Variants in TRIM44 observed in about 807,000 individuals in gnomAD.
TRIM44 encodes the protein tripartite motif-containing protein 44.
Under a neutral mutation model 37.4 loss-of-function variants are expected in TRIM44, and 13 were observed. The ratio of observed to expected loss-of-function variants is 0.35; its 90% CI spans 0.23 to 0.55. The LOEUF (loss-of-function observed/expected upper bound fraction) is 0.55. TRIM44 is among the 20% of genes least tolerant of loss of function. The pLI is 0.89. For synonymous variants in TRIM44, 175 were observed against 157.2 expected, an observed-to-expected ratio of 1.11 and a Z score of -0.85; for missense variants, 426 against 437.2, an observed-to-expected ratio of 0.97 and a Z score of 0.23.
At chr11:35,753,261 T>C (rs531844565) in intron 4 of TRIM44, among the ~76,000 whole-genome samples, 2 of 152,328 alleles carry the variant, frequency 1.3e-5, no homozygotes, top group South Asian at 2.1e-4. Context: ...TAAGGTGTTA[T>C]AGACATGGAA....
chr11:35,786,639 C>A (rs745668657), intron 4 of TRIM44, among the ~76,000 whole-genome samples: 2 of 152,170 alleles, frequency 1.3e-5, no homozygotes, highest in Non-Finnish European at 2.9e-5. Flanking sequence ...ACCTCATTTT[C>A]CACATCTGTA....
At chr11:35,686,855 G>A (rs1851587785) in intron 2 of TRIM44, among the ~76,000 whole-genome samples, 1 of 152,160 alleles carries the variant, frequency 6.6e-6, no homozygotes, top group African/African-American at 2.4e-5. Context: ...ACCACACCTG[G>A]CCACACTTTG....
At chr11:35,784,253 C>T (rs1853100522) in intron 4 of TRIM44, among the ~76,000 whole-genome samples, 2 of 152,124 alleles carry the variant, frequency 1.3e-5, no homozygotes, top group Non-Finnish European at 2.9e-5. Flanking sequence ...AGGGGATTCT[C>T]GAAGTGATAT....
At chr11:35,755,133 T>A (rs1373803231) in intron 4 of TRIM44, among the ~76,000 whole-genome samples, 1 of 152,200 alleles carries the variant, frequency 6.6e-6, no homozygotes, top group Non-Finnish European at 1.5e-5. Context: ...AGTGTAAAAG[T>A]GTTCCTATTT....
intron 3 of TRIM44, among the ~76,000 whole-genome samples, chr11:35,729,490 A>T (rs1852226379): frequency 6.6e-6 from 1 of 152,124 alleles, no homozygotes; most frequent in South Asian, 2.1e-4. Context: ...GAGACTGTAG[A>T]TAGAGCTCTA....
chr11:35,670,381 CA>C lies in TRIM44; in HGVS notation c.669+6602del, dbSNP rs1564939283. On this transcript the variant is annotated intron_variant, in intron 1 of 4. Coordinates refer to ENST00000299413, the MANE Select transcript of TRIM44 (RefSeq NM_017583.6). ...TACCACGATTCTATCCAGGACTTCACATTACATTTCCTTGTTTTGGATGATC... is the reference window on the plus strand; with the variant it reads ...TACCACGATTCTATCCAGGACTTCACTTACATTTCCTTGTTTTGGATGATC... Among the ~76,000 whole-genome samples, 3 of 152,334 alleles carry C rather than the reference CA, an allele frequency of 2.0e-5. No homozygotes were observed. In the East Asian group the frequency reaches 5.8e-4, roughly 29 times the overall value.
At chr11:35,794,384 T>C (rs971592190) in intron 4 of TRIM44, among the ~76,000 whole-genome samples, 5 of 152,244 alleles carry the variant, frequency 3.3e-5, no homozygotes, top group African/African-American at 1.2e-4. Context: ...ACAGCTGTTT[T>C]ATAGAGAAGC....
chr11:35,756,490 C>A (rs1259168499), intron 4 of TRIM44, among the ~76,000 whole-genome samples: 1 of 152,080 alleles, frequency 6.6e-6, no homozygotes, highest in South Asian at 2.1e-4. Context: ...AATTAAATGC[C>A]CTTTATTTAC....
At chr11:35,777,586 GGT>G (rs1852989547) in intron 4 of TRIM44, among the ~76,000 whole-genome samples, 1 of 152,156 alleles carries the variant, frequency 6.6e-6, no homozygotes, top group Non-Finnish European at 1.5e-5. Context: ...TGCAGTGGCT[GGT>G]ACCATAGGTT....
At chr11:35,752,003 C>A (rs896207051) in intron 4 of TRIM44, among the ~76,000 whole-genome samples, 1 of 152,162 alleles carries the variant, frequency 6.6e-6, no homozygotes, top group African/African-American at 2.4e-5. Context: ...TGTCCTACAT[C>A]CCATGGCTTT....
intron 4 of TRIM44, among the ~76,000 whole-genome samples, chr11:35,760,503 T>C (rs1852710469): frequency 6.6e-6 from 1 of 152,180 alleles, no homozygotes; most frequent in Non-Finnish European, 1.5e-5. Flanking sequence ...CCCAGTGTCC[T>C]GCACCCACTT....
chr11:35,694,577 C>A (rs1452393150), intron 2 of TRIM44, among the ~76,000 whole-genome samples: 1 of 151,724 alleles, frequency 6.6e-6, no homozygotes, highest in South Asian at 2.1e-4. Context: ...GAAGCATAAA[C>A]AAGAAAAAAT....
intron 4 of TRIM44, among the ~76,000 whole-genome samples, chr11:35,779,718 G>C (rs1477354115): frequency 6.6e-6 from 1 of 151,840 alleles, no homozygotes; most frequent in Non-Finnish European, 1.5e-5. Context: ...CATTTTTCTA[G>C]GAGTCTTAGA....
At chr11:35,778,320 G>A (rs1853002186) in intron 4 of TRIM44, among the ~76,000 whole-genome samples, 1 of 152,118 alleles carries the variant, frequency 6.6e-6, no homozygotes, top group Admixed American at 6.5e-5. Context: ...GTCATTTAAG[G>A]TGTTCTCTAC....
chr11:35,694,807 A>T (rs150716385), intron 2 of TRIM44, among the ~76,000 whole-genome samples: 1 of 152,088 alleles, frequency 6.6e-6, no homozygotes, highest in Non-Finnish European at 1.5e-5. Flanking sequence ...TGCAATGTGG[A>T]TGGCAAGGAC....
chr11:35,700,395 C>T (rs1397161245), intron 2 of TRIM44, among the ~76,000 whole-genome samples: 1 of 152,164 alleles, frequency 6.6e-6, no homozygotes, highest in Non-Finnish European at 1.5e-5. Flanking sequence ...TCCTTTAACC[C>T]TCCAAACAAG....
At chr11:35,743,871 A>G (rs1852449374) in intron 4 of TRIM44, among the ~76,000 whole-genome samples, 1 of 152,226 alleles carries the variant, frequency 6.6e-6, no homozygotes, top group Non-Finnish European at 1.5e-5. Context: ...CCTTTCCTCA[A>G]GATGCCTAAT....
intron 2 of TRIM44, among the ~76,000 whole-genome samples, chr11:35,715,404 A>ATGTG (rs112688346): frequency 0.014 from 2,052 of 144,874 alleles, 45 homozygotes; most frequent in African/African-American, 0.047. Context: ...CTCTCTGTGT[A>ATGTG]TGTGTGTGTG....
At chr11:35,742,287 GATAAATT>G (rs1852407147) in intron 4 of TRIM44, among the ~76,000 whole-genome samples, 1 of 150,390 alleles carries the variant, frequency 6.6e-6, no homozygotes, top group South Asian at 2.1e-4. Context: ...TAATTATTAT[GATAAATT>G]ATAAAGAAGC....
Sources: allele counts gnomAD v4.1 joint callset (sites outside exome capture counted in the v4.1 genomes callset), GRCh38; gene constraint gnomAD v4.1.1; transcripts MANE v1.5; gene names NCBI Gene and HGNC (gene_info 2026-07-23, HGNC 2026-07-21).